Variants in CERS6 observed in about 807,000 individuals in gnomAD.
CERS6 encodes the protein LAG1 homolog, ceramide synthase 6.
Under a neutral mutation model 56.8 loss-of-function variants are expected in CERS6, and 26 were observed. That is an observed-to-expected ratio of 0.46 (90% CI 0.34 to 0.63). The LOEUF is 0.63. CERS6 is among the 30% of genes least tolerant of loss of function. CERS6 has a pLI of 0.01. For missense variants in CERS6, 415 were observed against 467.5 expected, an observed-to-expected ratio of 0.89 and a Z score of 1.04; for synonymous variants, 164 against 173.3, an observed-to-expected ratio of 0.95 and a Z score of 0.42.
At chr2:168,747,631 ATTTTATTTTTTGATAACACAGTG>A (rs1684144635) in intron 8 of CERS6, among the ~76,000 whole-genome samples, 1 of 152,102 alleles carries the variant, frequency 6.6e-6, no homozygotes, top group Non-Finnish European at 1.5e-5. Flanking sequence ...GAGTGGTTTC[ATTTTATTTTTTGATAACACAGTG>A]TTTTCTCTTT....
intron 1 of CERS6, among the ~76,000 whole-genome samples, chr2:168,493,966 C>T (rs1694418505): frequency 6.6e-6 from 1 of 151,990 alleles, no homozygotes; most frequent in African/African-American, 2.4e-5. Flanking sequence ...ACTGCACAGA[C>T]TAAGGATGAA....
chr2:168,573,195 GA>G lies in CERS6; in HGVS notation c.407+11880del, dbSNP rs375136722. On this transcript the variant is annotated intron_variant, in intron 3 of 9. Coordinates refer to ENST00000305747, the MANE Select transcript of CERS6 (RefSeq NM_203463.3). ...ACCTGTACCCCAGTAACCTATGGGG[GA>G]AAAAAAGGATAAAATCACTGTTTTC... is the stretch of plus-strand genomic sequence containing the variant. Among the ~76,000 whole-genome samples, 926 of 151,988 alleles carry G rather than the reference GA, an allele frequency of 6.1e-3. 5 individuals carry two copies. Among genetic ancestry groups the G allele is most frequent in the African/African-American group, 0.021 (859 of 41,502 alleles).
At chr2:168,575,562 G>A (rs953552813) in intron 3 of CERS6, among the ~76,000 whole-genome samples, 13 of 152,088 alleles carry the variant, frequency 8.5e-5, no homozygotes, top group African/African-American at 3.1e-4. Context: ...TCTGAGATGA[G>A]ATTTGGGTGG....
chr2:168,620,054 C>CAT (rs1196142024), intron 3 of CERS6, among the ~76,000 whole-genome samples: 5 of 138,220 alleles, frequency 3.6e-5, no homozygotes, highest in East Asian at 5.4e-4. Context: ...CACACACACA[C>CAT]ACACACACAT....
intron 8 of CERS6, among the ~76,000 whole-genome samples, chr2:168,756,791 C>T (rs1300180922): frequency 1.3e-5 from 2 of 152,166 alleles, no homozygotes; most frequent in African/African-American, 2.4e-5. Flanking sequence ...AGCTTCAAGT[C>T]TCAGTGTCCC....
At chr2:168,592,417 GGCTCTGGAA>G (rs1476078732) in intron 3 of CERS6, among the ~76,000 whole-genome samples, 1 of 152,140 alleles carries the variant, frequency 6.6e-6, no homozygotes, top group East Asian at 1.9e-4. Context: ...AAGTGGGGAG[GGCTCTGGAA>G]GCCAGCAGCA....
intron 3 of CERS6, among the ~76,000 whole-genome samples, chr2:168,586,885 T>C (rs1476464855): frequency 1.3e-5 from 2 of 152,206 alleles, no homozygotes; most frequent in South Asian, 2.1e-4. Flanking sequence ...TAAATGTTTA[T>C]TGAGGTCAGG....
chr2:168,599,369 C>G (rs1416012191), intron 3 of CERS6, among the ~76,000 whole-genome samples: 1 of 152,050 alleles, frequency 6.6e-6, no homozygotes, highest in African/African-American at 2.4e-5. Flanking sequence ...TAGTTTGTTT[C>G]TTTTTGAAGA....
intron 8 of CERS6, among the ~76,000 whole-genome samples, chr2:168,758,885 G>GCTT (rs1684487949): frequency 6.6e-6 from 1 of 152,118 alleles, no homozygotes; most frequent in African/African-American, 2.4e-5. Flanking sequence ...TCACAGTGAT[G>GCTT]CTTAGAATGC....
chr2:168,649,640 C>G (rs1370292203), intron 4 of CERS6, among the ~76,000 whole-genome samples: 1 of 152,000 alleles, frequency 6.6e-6, no homozygotes, highest in Non-Finnish European at 1.5e-5. Context: ...TGCTTTATCC[C>G]CCCGTAGCAG....
intron 4 of CERS6, among the ~76,000 whole-genome samples, chr2:168,683,876 A>C (rs1368147559): frequency 6.6e-6 from 1 of 152,132 alleles, no homozygotes; most frequent in Non-Finnish European, 1.5e-5. Flanking sequence ...ATGTGTGTGG[A>C]GACCCTCAGC....
intron 3 of CERS6, among the ~76,000 whole-genome samples, chr2:168,624,945 G>T (rs1428153816): frequency 6.6e-6 from 1 of 152,024 alleles, no homozygotes; most frequent in African/African-American, 2.4e-5. Flanking sequence ...GTCTATATTT[G>T]TTCCTAAATA....
chr2:168,537,028 A>G (rs145807265), intron 1 of CERS6, among the ~76,000 whole-genome samples: 109 of 152,304 alleles, frequency 7.2e-4, no homozygotes, highest in African/African-American at 2.3e-3. Context: ...CTCTTTCACC[A>G]CAAGATTAAT....
chr2:168,602,830 T>A (rs921628293), intron 3 of CERS6, among the ~76,000 whole-genome samples: 1 of 152,216 alleles, frequency 6.6e-6, no homozygotes, highest in Non-Finnish European at 1.5e-5. Flanking sequence ...CCCCAGCCTC[T>A]CAGTCCTGAA....
chr2:168,466,880 AACC>A (rs1472918034), intron 1 of CERS6, among the ~76,000 whole-genome samples: 1 of 152,192 alleles, frequency 6.6e-6, no homozygotes, highest in Non-Finnish European at 1.5e-5. Flanking sequence ...TTCACTAGGT[AACC>A]TTTTGCACAC....
chr2:168,627,002 T>A (rs1684605839), intron 3 of CERS6, among the ~76,000 whole-genome samples: 1 of 152,204 alleles, frequency 6.6e-6, no homozygotes. Context: ...GCCCGTTTAG[T>A]GGTACTTTCA....
intron 1 of CERS6, among the ~76,000 whole-genome samples, chr2:168,467,938 A>T (rs1402746747): frequency 6.6e-6 from 1 of 152,172 alleles, no homozygotes; most frequent in Non-Finnish European, 1.5e-5. Flanking sequence ...TACATAGTTG[A>T]TGCTGGACCT....
chr2:168,693,427 C>T (rs190623176), intron 5 of CERS6, among the ~76,000 whole-genome samples: 53 of 152,166 alleles, frequency 3.5e-4, no homozygotes, highest in African/African-American at 1.2e-3. Flanking sequence ...CCTCTGGGGC[C>T]TTTCCCCAGG....
chr2:168,516,576 T>A (rs1694888112), intron 1 of CERS6, among the ~76,000 whole-genome samples: 1 of 152,196 alleles, frequency 6.6e-6, no homozygotes, highest in African/African-American at 2.4e-5. Flanking sequence ...AATGTTGTAG[T>A]CAGTACCTGC....
Sources: gnomAD v4.1 joint callset for allele counts (sites outside exome capture counted in the v4.1 genomes callset) on GRCh38, gnomAD v4.1.1 for gene constraint, MANE v1.5 for transcripts, NCBI Gene and HGNC (gene_info 2026-07-23, HGNC 2026-07-21) for gene names.